Variants in ACAP2 observed in about 807,000 individuals in gnomAD.
The protein encoded by ACAP2 is ArfGAP with coiled-coil, ankyrin repeat and PH domains 2, also known as arf-GAP with coiled-coil, ANK repeat and PH domain-containing protein 2.
A neutral mutation model predicts 115.8 loss-of-function variants in ACAP2; 39 were observed. The ratio of observed to expected loss-of-function variants is 0.34; its 90% CI spans 0.26 to 0.44. ACAP2 has a LOEUF of 0.44. Among genes scored for constraint, ACAP2 ranks in the 20% least tolerant of loss-of-function variants. The pLI is 1.00. For missense variants in ACAP2, 662 were observed against 927.6 expected, an observed-to-expected ratio of 0.71 and a Z score of 3.72; for synonymous variants, 289 against 315.8, an observed-to-expected ratio of 0.92 and a Z score of 0.90.
At chr3:195,417,166 G>A (rs998455540) in intron 1 of ACAP2, among the ~76,000 whole-genome samples, 4 of 145,282 alleles carry the variant, frequency 2.8e-5, no homozygotes, top group African/African-American at 1.0e-4. Flanking sequence ...TCCTGGCCTC[G>A]AGCAGTCCTC....
chr3:195,394,075 C>A (rs989286607), intron 1 of ACAP2, among the ~76,000 whole-genome samples: 1 of 152,134 alleles, frequency 6.6e-6, no homozygotes, highest in Non-Finnish European at 1.5e-5. Flanking sequence ...TTCTAAGCAA[C>A]GTTTAAAGCT....
intron 4 of ACAP2, among the ~76,000 whole-genome samples, chr3:195,372,557 G>A (rs147329190): frequency 1.2e-3 from 189 of 152,064 alleles, no homozygotes; most frequent in African/African-American, 4.2e-3. Flanking sequence ...ACAATAGCCC[G>A]CACCTTGTAA....
intron 18 of ACAP2, 71 bp from the exon 19 acceptor site, chr3:195,292,523 T>TA (rs1276367700): frequency 2.8e-6 from 4 of 1,433,558 alleles, no homozygotes; most frequent in Non-Finnish European, 3.8e-6. Context: ...ATTTAATAGG[T>TA]AGAGTTTCAG....
chr3:195,405,425 G>A (rs905079014), intron 1 of ACAP2, among the ~76,000 whole-genome samples: 1 of 152,136 alleles, frequency 6.6e-6, no homozygotes, highest in South Asian at 2.1e-4. Flanking sequence ...GGTGGCTCAC[G>A]CCGGTAATCC....
At chr3:195,390,586 T>C (rs186807902) in intron 2 of ACAP2, among the ~76,000 whole-genome samples, 1 of 152,248 alleles carries the variant, frequency 6.6e-6, no homozygotes, top group Admixed American at 6.5e-5. Context: ...GCGTGGTCCA[T>C]GGGCCAACAG....
intron 6 of ACAP2, among the ~76,000 whole-genome samples, chr3:195,339,085 G>A (rs1307552760): frequency 1.3e-5 from 2 of 152,052 alleles, no homozygotes; most frequent in Non-Finnish European, 2.9e-5. Flanking sequence ...ACAAAAATTA[G>A]CCAGGCATGG....
intron 1 of ACAP2, among the ~76,000 whole-genome samples, chr3:195,430,663 C>T (rs1234566211): frequency 1.3e-5 from 2 of 151,560 alleles, no homozygotes; most frequent in African/African-American, 4.9e-5. Flanking sequence ...TGCAGTGAGC[C>T]GAGATTGCAC....
At chr3:195,310,729 C>A (rs76231602) in intron 10 of ACAP2, among the ~76,000 whole-genome samples, 3,289 of 152,272 alleles carry the variant, frequency 0.022, 117 homozygotes, top group East Asian at 0.1. Context: ...AAAGAGCTAA[C>A]CCTCTGATTA....
chr3:195,350,526 G>A (rs1016268292), intron 4 of ACAP2, among the ~76,000 whole-genome samples: 1 of 151,950 alleles, frequency 6.6e-6, no homozygotes, highest in African/African-American at 2.4e-5. Flanking sequence ...GCATGTGCCT[G>A]TGGTCCCAGC....
At chr3:195,351,216 C>T (rs1731562330) in intron 4 of ACAP2, among the ~76,000 whole-genome samples, 1 of 150,762 alleles carries the variant, frequency 6.6e-6, no homozygotes, top group Admixed American at 6.6e-5. Context: ...CTCCCAGGTT[C>T]AAGTGATTCT....
chr3:195,295,685 C>T (rs201861961), intron 17 of ACAP2, 23 bp downstream of exon 17: 7 of 1,613,384 alleles, frequency 4.3e-6, no homozygotes, highest in South Asian at 1.1e-5. Context: ...TAGCTATAGA[C>T]ACAGTAAGAA....
intron 10 of ACAP2, among the ~76,000 whole-genome samples, chr3:195,312,300 T>A (rs1728822100): frequency 6.6e-6 from 1 of 152,186 alleles, no homozygotes; most frequent in Admixed American, 6.5e-5. Context: ...AATTTATTTT[T>A]ATACAGAGAA....
At chr3:195,342,407 T>C in intron 6 of ACAP2, 64 bp downstream of exon 6, 2 of 1,456,946 alleles carry the variant, frequency 1.4e-6, no homozygotes, top group Non-Finnish European at 9.2e-7. Flanking sequence ...GGGCGATCAC[T>C]CAAAAGTAAC....
chr3:195,438,495 G>T (rs1465689051), intron 1 of ACAP2, among the ~76,000 whole-genome samples: 1 of 152,068 alleles, frequency 6.6e-6, no homozygotes, highest in Admixed American at 6.6e-5. Context: ...GACAAGATTG[G>T]CACCAATCCA....
intron 1 of ACAP2, among the ~76,000 whole-genome samples, chr3:195,434,640 C>T (rs1196817462): frequency 6.6e-6 from 1 of 152,186 alleles, no homozygotes; most frequent in Non-Finnish European, 1.5e-5. Flanking sequence ...GTCTCCTCTT[C>T]TATTTCTTAA....
At position 195,290,849 on chromosome 3, in the gene ACAP2, T is replaced by TAAATAATAAATA. The variant is rs1553843260; in HGVS notation, c.2063+856_2063+857insTATTTATTATTT. On this transcript the variant is annotated intron_variant, in intron 20 of 22. Coordinates refer to ENST00000326793, the MANE Select transcript of ACAP2 (RefSeq NM_012287.6). The stretch of plus-strand genomic sequence containing the variant: ...ATAAATAAATAAATAAATAAATAAA[T>TAAATAATAAATA]AATAAATAAATAAATAAATAAATAA... Among the ~76,000 whole-genome samples, 277 of 134,176 alleles carry TAAATAATAAATA rather than the reference T, an allele frequency of 2.1e-3. 5 individuals carry two copies. The East Asian group carries it at 0.026, about 13-fold the overall frequency. 88.0% of individuals were successfully genotyped at this position (134,176 alleles called of 152,430 possible). A position where few individuals can be genotyped will look rare whatever the true frequency, so the allele number is the denominator to read the frequency against.
At chr3:195,409,995 T>TGGG (rs1713127262) in intron 1 of ACAP2, among the ~76,000 whole-genome samples, 1 of 150,742 alleles carries the variant, frequency 6.6e-6, no homozygotes, top group African/African-American at 2.4e-5. Context: ...AAAGCAAAAC[T>TGGG]GGAGGATTCA....
At chr3:195,396,604 AT>A (rs1320886627) in intron 1 of ACAP2, among the ~76,000 whole-genome samples, 1 of 151,900 alleles carries the variant, frequency 6.6e-6, no homozygotes, top group Non-Finnish European at 1.5e-5. Context: ...CCTGGCCAAC[AT>A]GGTGAAAACC....
At chr3:195,324,246 A>G (rs984131838) in intron 9 of ACAP2, among the ~76,000 whole-genome samples, 2 of 152,226 alleles carry the variant, frequency 1.3e-5, no homozygotes, top group Non-Finnish European at 2.9e-5. Flanking sequence ...TTAAGACAGC[A>G]TAGTATTGAC....
Sources: gnomAD v4.1 joint callset for allele counts (sites outside exome capture counted in the v4.1 genomes callset) on GRCh38, gnomAD v4.1.1 for gene constraint, MANE v1.5 for transcripts, NCBI Gene and HGNC (gene_info 2026-07-23, HGNC 2026-07-21) for gene names.